The following SLC26A8 variants were observed in gnomAD, a reference collection of about 807,000 sequenced individuals.
SLC26A8 encodes testis anion transporter 1.
SLC26A8 carries 70 observed loss-of-function variants against 105.0 expected under a neutral mutation model. The ratio of observed to expected loss-of-function variants is 0.67; its 90% CI spans 0.55 to 0.81. The LOEUF is 0.81. Among genes scored for constraint, SLC26A8 ranks in the 40% least tolerant of loss-of-function variants. The pLI is 0.00. For missense variants in SLC26A8, 998 were observed against 1,181.8 expected (o/e 0.84, Z 2.28); for synonymous variants, 415 against 438.3 (o/e 0.95, Z 0.66).
chr6:35,943,804 C>A lies in SLC26A8; in HGVS notation c.*96G>T. 6.6e-7 allele frequency: 1 copy of A among 1,517,638 alleles called. No individual in the cohort carries two copies. The allele number at this position is 1,517,638 out of a possible 1,614,324, so 94.0% of individuals were successfully genotyped here. A position where few individuals can be genotyped will look rare whatever the true frequency, so the allele number is the denominator to read the frequency against. On this transcript the variant is annotated 3_prime_UTR_variant, in exon 20 of 20. Coordinates refer to ENST00000490799, the MANE Select transcript of SLC26A8 (RefSeq NM_052961.4). ...AGTCACAGTCAGGAAGGAAGTACTG[C>A]TAGTTCGTATCCAGTCTAGGTCTCT...
At chr6:36,013,608 C>G (rs1761921568) in intron 2 of SLC26A8, among the ~76,000 whole-genome samples, 1 of 152,162 alleles carries the variant, frequency 6.6e-6, no homozygotes, top group South Asian at 2.1e-4. Context: ...ATTGAGAAAA[C>G]CTGCTTTAAC....
At chr6:35,971,917 G>A (rs1385549824) in intron 10 of SLC26A8, among the ~76,000 whole-genome samples, 2 of 152,208 alleles carry the variant, frequency 1.3e-5, no homozygotes, top group East Asian at 3.8e-4. Flanking sequence ...GGTACGAATA[G>A]GATGACCAGA....
chr6:35,968,889 G>A lies in SLC26A8; in HGVS notation c.1353C>T (p.Tyr451=), dbSNP rs776344504. The change falls in exon 11 of 20, where the codon TAC becomes TAT. Residue 451 remains tyrosine (Y), a synonymous_variant. Transcript: ENST00000490799. ...LLMVKMGHFF[Y]TLPNAVLAGI... ...CAGTTCTACTTACATTTGGCAGTGT[G>A]TAGAAAAAGTGTCCCATCTTCACCA... 1 of 1,607,232 alleles carries A rather than the reference G, an allele frequency of 6.2e-7. No homozygotes were observed. Among genetic ancestry groups the A allele is most frequent in the Non-Finnish European group, 8.5e-7 (1 of 1,177,160 alleles).
At chr6:35,955,883 C>T (rs1772040977) in intron 16 of SLC26A8, among the ~76,000 whole-genome samples, 2 of 152,040 alleles carry the variant, frequency 1.3e-5, no homozygotes, top group African/African-American at 4.8e-5. Context: ...CCCATCAGTC[C>T]CTTGTCTCAG....
intron 16 of SLC26A8, among the ~76,000 whole-genome samples, chr6:35,958,065 A>G (rs551018145): frequency 4.6e-5 from 7 of 152,316 alleles, no homozygotes; most frequent in Non-Finnish European, 8.8e-5. Context: ...AAGCCTGTCC[A>G]TGGACTGGGA....
At chr6:35,947,361 C>A (rs1470690274) in intron 19 of SLC26A8, among the ~76,000 whole-genome samples, 1 of 152,138 alleles carries the variant, frequency 6.6e-6, no homozygotes, top group East Asian at 1.9e-4. Context: ...CACACAGGAT[C>A]CTTCTCATTA....
chr6:35,960,799 C>T (rs1421797114), intron 14 of SLC26A8, 44 bp downstream of exon 14: 1 of 1,588,350 alleles, frequency 6.3e-7, no homozygotes, highest in African/African-American at 1.3e-5. Context: ...GTGGGGCCCA[C>T]TCTATCCCTT....
Position 35,960,819 on chromosome 6 carries a change from A to T in SLC26A8, c.1638+24T>A, listed in dbSNP as rs770858757. 6 of 1,612,198 alleles carry T rather than the reference A, an allele frequency of 3.7e-6. No homozygotes were observed. In the South Asian group the frequency reaches 6.6e-5, roughly 18 times the overall value. On this transcript the variant is annotated intron_variant, in intron 14 of 19. Coordinates refer to ENST00000490799, the MANE Select transcript of SLC26A8 (RefSeq NM_052961.4). ...GCCCACTCTATCCCTTAGGCAGAGA[A>T]ATGGGACCCATTTGGATTCTTACCT...
chr6:36,016,845 A>G (rs1056297510), intron 2 of SLC26A8, among the ~76,000 whole-genome samples: 8 of 152,194 alleles, frequency 5.3e-5, no homozygotes, highest in Admixed American at 2.0e-4. Flanking sequence ...AGCTAAAACT[A>G]TAAAATTCAT....
rs1266888348 is a variant in SLC26A8 at position 35,960,838 on chromosome 6, C to T, written c.1638+5G>A. ...CAGAGAAATGGGACCCATTTGGATTCTTACCTCCCGATAATCATTGATGCT... is the reference window on the plus strand; with the variant it reads ...CAGAGAAATGGGACCCATTTGGATTTTTACCTCCCGATAATCATTGATGCT... On this transcript the variant is annotated splice_donor_5th_base_variant and intron_variant, in intron 14 of 19. Coordinates refer to ENST00000490799, the MANE Select transcript of SLC26A8 (RefSeq NM_052961.4). The T allele has an allele frequency of 6.2e-7, 1 of 1,613,922 alleles. No homozygotes were observed. Among genetic ancestry groups the T allele is most frequent in the Non-Finnish European group, 8.5e-7 (1 of 1,179,948 alleles).
intron 3 of SLC26A8, among the ~76,000 whole-genome samples, chr6:36,004,538 CTG>C (rs376888315): frequency 1.8e-3 from 272 of 152,104 alleles, no homozygotes; most frequent in African/African-American, 6.2e-3. Context: ...TAAAAATCAT[CTG>C]TGAATAATGA....
At chr6:35,987,702 A>T (rs949334511) in intron 7 of SLC26A8, among the ~76,000 whole-genome samples, 26 of 151,858 alleles carry the variant, frequency 1.7e-4, no homozygotes, top group African/African-American at 6.3e-4. Flanking sequence ...CCCTGTCATC[A>T]TCACAGCAGG....
rs1223757392 is a variant in SLC26A8 at position 35,952,819 on chromosome 6, G to A, written c.2233-1320C>T. Among the ~76,000 whole-genome samples, 3 of 152,010 alleles carry A rather than the reference G, an allele frequency of 2.0e-5. No individual in the cohort carries two copies. The East Asian group carries it at 5.8e-4, about 29-fold the overall frequency. ...TCACGAGGTCAGAAGTTCGAGACAA[G>A]CCTGGCCAATATGGTGAAACCCCGT... On this transcript the variant is annotated intron_variant, in intron 17 of 19. Transcript: ENST00000490799.
intron 11 of SLC26A8, 60 bp from the exon 12 acceptor site, chr6:35,962,681 C>G: frequency 6.6e-7 from 1 of 1,521,684 alleles, no homozygotes. Flanking sequence ...CTCACAAATC[C>G]CCACCAAGGA....
intron 1 of SLC26A8, among the ~76,000 whole-genome samples, chr6:36,021,871 G>C (rs572231946): frequency 1.3e-5 from 2 of 151,898 alleles, no homozygotes; most frequent in African/African-American, 4.8e-5. Context: ...GGGTTTCACG[G>C]TGTTAGCCAG....
At chr6:35,962,225 C>CA (rs35900014) in intron 12 of SLC26A8, among the ~76,000 whole-genome samples, 1,493 of 116,378 alleles carry the variant, frequency 0.013, 30 homozygotes, top group African/African-American at 0.033. Context: ...GACTCCGTCT[C>CA]AAAAAAAAAA....
chr6:35,999,519 C>T (rs928758323), intron 4 of SLC26A8, among the ~76,000 whole-genome samples: 1 of 152,144 alleles, frequency 6.6e-6, no homozygotes, highest in Non-Finnish European at 1.5e-5. Flanking sequence ...GGACTTTTGA[C>T]TCAGGGAAGG....
chr6:36,018,913 C>T (rs1762060045), intron 2 of SLC26A8, among the ~76,000 whole-genome samples: 1 of 151,926 alleles, frequency 6.6e-6, no homozygotes, highest in South Asian at 2.1e-4. Context: ...TTAATCAGTC[C>T]ACCATGGCTA....
chr6:36,008,927 G>A (rs1475569614), intron 3 of SLC26A8, among the ~76,000 whole-genome samples: 2 of 152,172 alleles, frequency 1.3e-5, no homozygotes, highest in African/African-American at 2.4e-5. Context: ...TAGTGGGAAG[G>A]TAATATGTTA....
Sources: gnomAD v4.1 joint callset for allele counts (sites outside exome capture counted in the v4.1 genomes callset) on GRCh38, gnomAD v4.1.1 for gene constraint, MANE v1.5 for transcripts, NCBI Gene and HGNC (gene_info 2026-07-23, HGNC 2026-07-21) for gene names.